The following STAT5A variants were observed in gnomAD, a reference collection of about 807,000 sequenced individuals.
The protein encoded by STAT5A is signal transducer and activator of transcription 5A, also known as epididymis secretory sperm binding protein.
In STAT5A, 26 loss-of-function variants were observed where a neutral mutation model predicts 100.2. That is an observed-to-expected ratio of 0.26 (90% confidence interval 0.19 to 0.36). The LOEUF is 0.36. Ranked by LOEUF, STAT5A falls within the 10% of genes least tolerant of loss-of-function variation. The probability of loss-of-function intolerance (pLI) is 1.00; values close to 1 mark genes in which losing one functional copy is unlikely to be tolerated. For synonymous variants in STAT5A, 330 were observed against 424.3 expected, an observed-to-expected ratio of 0.78 and a Z score of 2.73; for missense variants, 634 against 1,027.5, an observed-to-expected ratio of 0.62 and a Z score of 5.24.
chr17:42,299,560 G>A (rs527820332), intron 5 of STAT5A, among the ~76,000 whole-genome samples, 191 bp from the exon 6 acceptor site: 2 of 152,342 alleles, frequency 1.3e-5, no homozygotes, highest in African/African-American at 4.8e-5. Flanking sequence ...GGAGGCTGGT[G>A]AGCAGGGCCC....
chr17:42,305,852 G>A (rs1255525951), intron 12 of STAT5A, 150 bp downstream of exon 12: 2 of 819,300 alleles, frequency 2.4e-6, no homozygotes, highest in East Asian at 5.3e-5. Context: ...TGGGGTGCTG[G>A]GCGCCTGCCT....
At position 42,300,825 on chromosome 17, in the gene STAT5A, A is replaced by C. The variant is rs576124844; in HGVS notation, c.944A>C (p.Glu315Ala). ...GGCCCAGTGGAGGAGATGCTGGCCG[A>C]GGTCAACGCCACCATCACGGACATT... ...IPGPVEEMLA[E>A]VNATITDIIS... Residue 315 changes from glutamate to alanine, a missense_variant, in exon 8 of 19, where the codon GAG (glutamate) becomes GCG (alanine). Around this residue, in one of 5 missense-constraint regions of STAT5A, gnomAD observed 98 missense variants for 149.7 expected, o/e 0.65. Coordinates refer to ENST00000590949, the MANE Select transcript of STAT5A (RefSeq NM_001288718.2). 9.2e-5 allele frequency: 148 copies of C among 1,612,206 alleles called. 1 individual carries two copies. The South Asian group carries it at 1.5e-3, about 16-fold the overall frequency.
chr17:42,306,039 C>A (rs780373302), intron 12 of STAT5A: 2 of 852,818 alleles, frequency 2.3e-6, no homozygotes, highest in Non-Finnish European at 3.6e-6. Flanking sequence ...CCACCCCCTG[C>A]ATCGGTTTTC....
At chr17:42,295,312 T>G (rs1051348095) in intron 4 of STAT5A, among the ~76,000 whole-genome samples, 2 of 152,032 alleles carry the variant, frequency 1.3e-5, no homozygotes, top group Non-Finnish European at 2.9e-5. Context: ...TGGGAGGAAA[T>G]TAGATGGACC....
Position 42,311,050 on chromosome 17 carries a change from C to G in STAT5A, c.*381C>G, listed in dbSNP as rs2081076052. 1 of 246,394 alleles carries G rather than the reference C, an allele frequency of 4.1e-6. No individual in the cohort carries two copies. Among genetic ancestry groups the G allele is most frequent in the Admixed American group, 4.6e-5 (1 of 21,512 alleles). The allele number at this position is 246,394 out of a possible 1,614,324, so 15.3% of individuals were successfully genotyped here. A position where few individuals can be genotyped will look rare whatever the true frequency, so the allele number is the denominator to read the frequency against. The stretch of plus-strand genomic sequence containing the variant: ...AGGGGAGACAGGTAACGTCTGTAAG[C>G]TGAAGTTTCACTCCGGAGTGAGAAG... On this transcript the variant is annotated 3_prime_UTR_variant, in exon 19 of 19. Transcript: ENST00000590949.
chr17:42,308,422 T>C lies in STAT5A; in HGVS notation c.2062+89T>C. 1 of 1,583,800 alleles carries C rather than the reference T, an allele frequency of 6.3e-7. No individual in the cohort carries two copies. The highest frequency in any genetic ancestry group is 8.6e-7 in the Non-Finnish European group (1 of 1,161,012). On this transcript the variant is annotated intron_variant, in intron 16 of 18. Transcript: ENST00000590949. This position sits in a 1 kb window ranked among gnomAD's most constrained non-coding sequence, Gnocchi z 4.6. ...AGCCTTGGGCTGCGCCGTGGGGACT[T>C]CCCCAGGAGGAGCCTAGGGGCCATG...
chr17:42,310,386 C>A, intron 18 of STAT5A, 121 bp from the exon 19 acceptor site: 2 of 1,128,474 alleles, frequency 1.8e-6, no homozygotes, highest in Non-Finnish European at 1.3e-6. Context: ...GGGCATCCAG[C>A]CAGAACTGGT....
chr17:42,309,701 G>A, intron 18 of STAT5A: 1 of 485,876 alleles, frequency 2.1e-6, no homozygotes, highest in East Asian at 3.3e-5. Context: ...GAAAATGATT[G>A]AGCCTCTCTG....
At chr17:42,305,965 G>C (rs1245269963) in intron 12 of STAT5A, 5 of 644,232 alleles carry the variant, frequency 7.8e-6, no homozygotes, top group Non-Finnish European at 1.3e-5. Flanking sequence ...TCCTTTGGCA[G>C]ATGGCTTGGG....
In STAT5A at chr17:42,310,540, C is replaced by T. The variant is rs138408217; in HGVS notation, c.2256C>T (p.Phe752=). 67 of 1,614,084 alleles carry T rather than the reference C, an allele frequency of 4.2e-5. No individual in the cohort carries two copies. The highest frequency in any genetic ancestry group is 6.7e-5 in the African/African-American group (5 of 74,932). Reference sequence around the variant, plus strand: ...ATGTACTCGATCAGGATGGAGAATTCGACCTGGATGAGACCATGGATGTGG... The same window carrying T: ...ATGTACTCGATCAGGATGGAGAATTTGACCTGGATGAGACCATGGATGTGG... ...PDHVLDQDGE[F]DLDETMDVAR... is the part of the protein sequence containing the mutation. The change falls in exon 19 of 19, where the codon TTC becomes TTT. Residue 752 remains phenylalanine, a synonymous_variant. Transcript: ENST00000590949.
chr17:42,287,691 A>G (rs564926691), upstream of STAT5A: 12 of 152,410 alleles, frequency 7.9e-5, no homozygotes, highest in East Asian at 2.1e-3. Flanking sequence ...TGGCTAGTTT[A>G]TGGATCACAG....
chr17:42,297,322 G>A (rs1037633725), intron 5 of STAT5A, among the ~76,000 whole-genome samples: 14 of 152,210 alleles, frequency 9.2e-5, no homozygotes, highest in African/African-American at 3.4e-4. Context: ...CTCCTTCTGA[G>A]AATGGAAACG....
rs770483390 is a variant in STAT5A at position 42,306,260 on chromosome 17, T to C, written c.1493T>C (p.Val498Ala). 1.4e-5 allele frequency: 22 copies of C among 1,613,924 alleles called. No individual in the cohort carries two copies. The highest frequency in any genetic ancestry group is 1.9e-5 in the Non-Finnish European group (22 of 1,179,932). ...FAEPGRVPFA[V>A]PDKVLWPQLC... ...TCTCAGGGCAGGGTGCCATTTGCCG[T>C]GCCTGACAAAGTGCTGTGGCCGCAG... The change falls in exon 13 of 19, where the codon GTG (valine) becomes GCG (alanine). Residue 498 changes from valine to alanine, a missense_variant. Coordinates refer to ENST00000590949, the MANE Select transcript of STAT5A (RefSeq NM_001288718.2).
At chr17:42,293,308 G>T (rs2080888748) in intron 4 of STAT5A, among the ~76,000 whole-genome samples, 1 of 152,026 alleles carries the variant, frequency 6.6e-6, no homozygotes, top group Admixed American at 6.6e-5. Flanking sequence ...GGGTTCAAGA[G>T]ATTCTCATGC....
chr17:42,307,104 G>C (rs974788217), intron 13 of STAT5A, among the ~76,000 whole-genome samples: 41 of 152,178 alleles, frequency 2.7e-4, no homozygotes, highest in African/African-American at 9.9e-4. Context: ...CCTGTAAAAT[G>C]AGGGGATGAC....
At position 42,289,985 on chromosome 17, in the gene STAT5A, T is replaced by A. The variant is rs2080854800; in HGVS notation, c.248T>A (p.Leu83Gln). The A allele has an allele frequency of 6.2e-7, 1 of 1,613,062 alleles. No individual in the cohort carries two copies. Among genetic ancestry groups the A allele is most frequent in the Non-Finnish European group, 8.5e-7 (1 of 1,179,676 alleles). The change falls in exon 3 of 19, where the codon CTG (leucine) becomes CAG (glutamine). Residue 83 changes from leucine to glutamine, a missense_variant. Around this residue, in one of 5 missense-constraint regions of STAT5A, gnomAD observed 207 missense variants for 256.6 expected, o/e 0.81. Coordinates refer to ENST00000590949, the MANE Select transcript of STAT5A (RefSeq NM_001288718.2). The part of the protein sequence containing the change: ...EHQVGEDGFL[L>Q]KIKLGHYATQ... ...CAGGTGGGGGAAGATGGGTTTTTAC[T>A]GAAGATCAAGCTGGGGCACTACGCC...
chr17:42,296,993 C>T (rs1376666237), intron 5 of STAT5A, among the ~76,000 whole-genome samples: 2 of 152,066 alleles, frequency 1.3e-5, no homozygotes, highest in South Asian at 2.1e-4. Flanking sequence ...TGCAGTGGCA[C>T]GATCTCATCT....
chr17:42,295,813 G>T lies in STAT5A; in HGVS notation c.550+20G>T. ...TCCAAGGTGAGGCGCGGTGGAGGCA[G>T]TGTGCATCCGGAGGGTGGGAGTGAG... On this transcript the variant is annotated intron_variant, in intron 5 of 18. Transcript: ENST00000590949. 1 of 1,612,636 alleles carries T rather than the reference G, an allele frequency of 6.2e-7. No individual in the cohort carries two copies. The highest frequency in any genetic ancestry group is 8.5e-7 in the Non-Finnish European group (1 of 1,179,472).
chr17:42,299,293 G>A (rs2080951301), intron 5 of STAT5A, among the ~76,000 whole-genome samples: 3 of 152,220 alleles, frequency 2.0e-5, no homozygotes, highest in Non-Finnish European at 4.4e-5. Context: ...TAATCTTCAA[G>A]CACCCCACTG....
Sources: gnomAD v4.1 joint callset for allele counts (sites outside exome capture counted in the v4.1 genomes callset) on GRCh38, gnomAD v4.1.1 for gene constraint, gnomAD v4.1.1 regional missense constraint, Gnocchi (gnomAD v3.1) non-coding constraint, MANE v1.5 for transcripts, NCBI Gene and HGNC (gene_info 2026-07-23, HGNC 2026-07-21) for gene names.